EPM2A: variants seen among roughly 807,000 people sequenced by gnomAD.
EPM2A encodes the protein EPM2A glucan phosphatase, laforin.
A neutral mutation model predicts 26.5 loss-of-function variants in EPM2A; 21 were observed. The ratio of observed to expected loss-of-function variants is 0.79; its 90% CI spans 0.56 to 1.14. The LOEUF is 1.14. Ranked by LOEUF, EPM2A falls within the 50% of genes most tolerant of loss-of-function variation. The pLI, the probability that EPM2A is intolerant of heterozygous loss-of-function variation, is 0.00. For synonymous variants in EPM2A, 217 were observed against 177.6 expected (o/e 1.22, Z -1.76); for missense variants, 458 against 440.8 (o/e 1.04, Z -0.35).
chr6:145,735,634 C>T (rs903203959), upstream of EPM2A: 4 of 1,082,324 alleles, frequency 3.7e-6, no homozygotes, highest in Non-Finnish European at 4.5e-6. Flanking sequence ...TGCTGTTCTG[C>T]GCCTTCTTTG....
At chr6:145,710,324 A>C (rs958459232) in intron 1 of EPM2A, among the ~76,000 whole-genome samples, 1 of 152,230 alleles carries the variant, frequency 6.6e-6, no homozygotes, top group Non-Finnish European at 1.5e-5. Context: ...ATCGACAGAC[A>C]CTTCTCAAAC....
At position 145,686,266 on chromosome 6, in the gene EPM2A, G is replaced by C. The variant is rs1480939817; in HGVS notation, c.332C>G (p.Thr111Ser). The C allele has an allele frequency of 1.2e-6, 2 of 1,613,754 alleles. No individual in the cohort carries two copies. The highest frequency in any genetic ancestry group is 1.7e-6 in the Non-Finnish European group (2 of 1,179,854). The change falls in exon 2 of 4, where the codon ACT (threonine) becomes AGT (serine). Residue 111 changes from threonine to serine, a missense_variant. Thr to Ser is a moderately conservative substitution (Grantham distance 58). Transcript: ENST00000367519. ...GNGPHHDRCC[T>S]YNENNLVDGV... ...ATCCACCAAGTTGTTTTCATTGTAAGTACAGCAACGGTCATGATGAGGTCC... is the reference window on the plus strand; with the variant it reads ...ATCCACCAAGTTGTTTTCATTGTAACTACAGCAACGGTCATGATGAGGTCC...
At chr6:145,720,801 T>A (rs1246349031) in intron 1 of EPM2A, 1 of 152,192 alleles carries the variant, frequency 6.6e-6, no homozygotes, top group Non-Finnish European at 1.5e-5. Flanking sequence ...CAAACCATGA[T>A]GAAATTTCTC....
chr6:145,545,713 C>T (rs1780573969), intron 2 of EPM2A, among the ~76,000 whole-genome samples: 1 of 152,132 alleles, frequency 6.6e-6, no homozygotes, highest in Admixed American at 6.6e-5. Context: ...CTGCAGGACC[C>T]GAGCTGAGCT....
At chr6:145,611,270 T>C (rs1775386622) in intron 2 of EPM2A, among the ~76,000 whole-genome samples, 1 of 152,136 alleles carries the variant, frequency 6.6e-6, no homozygotes, top group Non-Finnish European at 1.5e-5. Flanking sequence ...TTGTTTTATA[T>C]CACTTATTAT....
chr6:145,620,258 C>A (rs370376644), intron 2 of EPM2A, among the ~76,000 whole-genome samples: 1 of 152,148 alleles, frequency 6.6e-6, no homozygotes. Flanking sequence ...TCATAAGGAG[C>A]GTGCAACCTA....
At chr6:145,490,274 T>A in intron 4 of EPM2A, 1 of 1,442,594 alleles carries the variant, frequency 6.9e-7, no homozygotes. Flanking sequence ...ACACCCAGTG[T>A]GTATTACCAA....
chr6:145,473,992 T>TA (rs1485588429), intron 4 of EPM2A, among the ~76,000 whole-genome samples: 1 of 152,108 alleles, frequency 6.6e-6, no homozygotes. Context: ...TTAATGGTAG[T>TA]AGTAAGTACA....
At chr6:145,613,291 T>C (rs983183411) in intron 2 of EPM2A, among the ~76,000 whole-genome samples, 1 of 152,210 alleles carries the variant, frequency 6.6e-6, no homozygotes, top group Admixed American at 6.5e-5. Context: ...CGGACTCCAC[T>C]ACTGTTTCCA....
chr6:145,544,833 T>G (rs962821274), intron 2 of EPM2A, among the ~76,000 whole-genome samples: 3 of 152,180 alleles, frequency 2.0e-5, no homozygotes. Context: ...TCTTTTCCTG[T>G]GTGGGTTCCC....
intron 4 of EPM2A, among the ~76,000 whole-genome samples, chr6:145,419,868 A>C (rs1004518680): frequency 4.6e-5 from 7 of 152,302 alleles, no homozygotes; most frequent in African/African-American, 1.7e-4. Flanking sequence ...GTTTAAATAA[A>C]TCAAATATAC....
At chr6:145,732,997 T>G (rs541956120) in intron 1 of EPM2A, among the ~76,000 whole-genome samples, 1 of 152,352 alleles carries the variant, frequency 6.6e-6, no homozygotes, top group East Asian at 1.9e-4. Context: ...ATCCTTGCTC[T>G]TAAACACTTG....
At chr6:145,502,762 T>C (rs1281100371) in intron 2 of EPM2A, among the ~76,000 whole-genome samples, 1 of 152,132 alleles carries the variant, frequency 6.6e-6, no homozygotes, top group Admixed American at 6.5e-5. Flanking sequence ...CCCAAATAAA[T>C]CATGACTATT....
At chr6:145,586,464 G>C (rs947402333) in intron 2 of EPM2A, among the ~76,000 whole-genome samples, 1 of 152,012 alleles carries the variant, frequency 6.6e-6, no homozygotes, top group Non-Finnish European at 1.5e-5. Context: ...TTTAATAGCA[G>C]GATACTGTCA....
intron 2 of EPM2A, among the ~76,000 whole-genome samples, chr6:145,521,709 T>C (rs1780204146): frequency 6.6e-6 from 1 of 151,992 alleles, no homozygotes; most frequent in South Asian, 2.1e-4. Flanking sequence ...CCAGTAGGGG[T>C]AGAGGAATTG....
At chr6:145,581,846 A>G (rs945148401) in intron 2 of EPM2A, among the ~76,000 whole-genome samples, 1 of 152,182 alleles carries the variant, frequency 6.6e-6, no homozygotes, top group African/African-American at 2.4e-5. Context: ...TCATTGTTCT[A>G]CAGTGGAATA....
At chr6:145,575,110 G>A (rs1781013131) in intron 2 of EPM2A, among the ~76,000 whole-genome samples, 1 of 152,040 alleles carries the variant, frequency 6.6e-6, no homozygotes, top group South Asian at 2.1e-4. Flanking sequence ...CTGCCTCAGG[G>A]GAGGCCACCA....
chr6:145,676,916 A>G (rs1419516461), intron 2 of EPM2A, among the ~76,000 whole-genome samples: 1 of 152,172 alleles, frequency 6.6e-6, no homozygotes, highest in African/African-American at 2.4e-5. Flanking sequence ...GGACTCCTCC[A>G]TAACTCATTT....
At chr6:145,437,957 C>G (rs898147725) in intron 4 of EPM2A, among the ~76,000 whole-genome samples, 1 of 152,180 alleles carries the variant, frequency 6.6e-6, no homozygotes, top group Admixed American at 6.5e-5. Flanking sequence ...GCAAATTATA[C>G]ATTCATTTTA....
Sources: gnomAD v4.1 joint callset for allele counts (sites outside exome capture counted in the v4.1 genomes callset) on GRCh38, gnomAD v4.1.1 for gene constraint, MANE v1.5 for transcripts, NCBI Gene and HGNC (gene_info 2026-07-23, HGNC 2026-07-21) for gene names.